The following CNTNAP2 variants were observed in gnomAD, a reference collection of about 807,000 sequenced individuals.
CNTNAP2 encodes contactin associated protein 2.
CNTNAP2 carries 98 observed loss-of-function variants against 155.2 expected under a neutral mutation model. The ratio of observed to expected loss-of-function variants is 0.63; its 90% CI spans 0.54 to 0.75. CNTNAP2 has a LOEUF of 0.75. Among genes scored for constraint, CNTNAP2 ranks in the 30% least tolerant of loss-of-function variants. The pLI is 0.00. For missense variants in CNTNAP2, 1,727 were observed against 1,688.1 expected (o/e 1.02, Z -0.40); for synonymous variants, 651 against 631.2 (o/e 1.03, Z -0.47).
chr7:147,432,362 A>C (rs1403810357), intron 10 of CNTNAP2, among the ~76,000 whole-genome samples: 2 of 152,214 alleles, frequency 1.3e-5, no homozygotes, highest in Non-Finnish European at 2.9e-5. Flanking sequence ...TGAGAATCGC[A>C]GCTTTAGAAG....
chr7:146,133,639 C>A (rs1239148142), intron 1 of CNTNAP2, among the ~76,000 whole-genome samples: 1 of 152,082 alleles, frequency 6.6e-6, no homozygotes, highest in Non-Finnish European at 1.5e-5. Flanking sequence ...TATGGCTAGC[C>A]AGTTTTCCCA....
chr7:147,941,326 G>T (rs1301899440), intron 14 of CNTNAP2, among the ~76,000 whole-genome samples: 1 of 152,168 alleles, frequency 6.6e-6, no homozygotes, highest in Admixed American at 6.5e-5. Context: ...CGAGGGTGGG[G>T]ATAGTTCACA....
rs532837902 is a variant in CNTNAP2 at position 147,886,475 on chromosome 7, C to CAAAA, written c.2099-17065_2099-17062dup. Among the ~76,000 whole-genome samples the CAAAA allele has an allele frequency of 4.8e-4, 19 of 39,732 alleles. 1 individual carries two copies. The highest frequency in any genetic ancestry group is 1.4e-3 in the African/African-American group (13 of 9,384). The allele number at this position is 39,732 out of a possible 152,430, so 26.1% of individuals were successfully genotyped here. On this transcript the variant is annotated intron_variant, in intron 13 of 23. Coordinates refer to ENST00000361727, the MANE Select transcript of CNTNAP2 (RefSeq NM_014141.6). ...GGGCAACAAGAGGGAAACTCCATCT[C>CAAAA]AAAAAAAAAAAAAAAAAAAAAAAAA... is the stretch of plus-strand genomic sequence containing the variant.
intron 1 of CNTNAP2, among the ~76,000 whole-genome samples, chr7:146,600,725 T>C (rs914189013): frequency 6.6e-6 from 1 of 152,158 alleles, no homozygotes. Flanking sequence ...TTATGACCCA[T>C]TTGACCTCCA....
chr7:146,990,378 T>G (rs1798189055), intron 3 of CNTNAP2, among the ~76,000 whole-genome samples: 1 of 152,188 alleles, frequency 6.6e-6, no homozygotes, highest in African/African-American at 2.4e-5. Flanking sequence ...TGTATCCCCA[T>G]GGAGGTCTGA....
chr7:146,431,275 T>G (rs1316186214), intron 1 of CNTNAP2, among the ~76,000 whole-genome samples: 1 of 152,006 alleles, frequency 6.6e-6, no homozygotes, highest in Non-Finnish European at 1.5e-5. Flanking sequence ...CCTTCTAATA[T>G]CTTTGAAAAT....
At chr7:146,821,486 G>T (rs1347492464) in intron 2 of CNTNAP2, among the ~76,000 whole-genome samples, 2 of 151,916 alleles carry the variant, frequency 1.3e-5, no homozygotes, top group Non-Finnish European at 2.9e-5. Flanking sequence ...AATGTTGAAT[G>T]TTGGAGCTTC....
At chr7:147,398,966 G>T (rs190760541) in intron 10 of CNTNAP2, among the ~76,000 whole-genome samples, 3 of 152,030 alleles carry the variant, frequency 2.0e-5, no homozygotes, top group Admixed American at 6.6e-5. Context: ...AAGGTGTTGA[G>T]TTGTAGTTTA....
chr7:146,607,063 A>T (rs1799060227), intron 1 of CNTNAP2, among the ~76,000 whole-genome samples: 1 of 152,198 alleles, frequency 6.6e-6, no homozygotes, highest in South Asian at 2.1e-4. Flanking sequence ...CTAAGGAAGG[A>T]GGAGACCAAG....
At chr7:146,727,744 A>G (rs530545877) in intron 1 of CNTNAP2, among the ~76,000 whole-genome samples, 1 of 152,320 alleles carries the variant, frequency 6.6e-6, no homozygotes, top group East Asian at 1.9e-4. Flanking sequence ...ATAGAAGCGT[A>G]TGTGTAATTG....
In CNTNAP2 at chr7:146,921,278, T is replaced by C. The variant is rs866314430; in HGVS notation, c.402+81374T>C. ...AAAAAGGGTACATTTTTACTATAAATTAATTAGGAATAAAAACTAATGAAA... is the reference window on the plus strand; with the variant it reads ...AAAAAGGGTACATTTTTACTATAAACTAATTAGGAATAAAAACTAATGAAA... On this transcript the variant is annotated intron_variant, in intron 3 of 23. Coordinates refer to ENST00000361727, the MANE Select transcript of CNTNAP2 (RefSeq NM_014141.6). Among the ~76,000 whole-genome samples, 11 of 152,244 alleles carry C rather than the reference T, an allele frequency of 7.2e-5. 1 individual carries two copies. The highest frequency in any genetic ancestry group is 3.4e-3 in the Middle Eastern group (1 of 294).
chr7:148,066,741 G>A (rs1387575744), intron 15 of CNTNAP2, among the ~76,000 whole-genome samples: 3 of 151,896 alleles, frequency 2.0e-5, no homozygotes, highest in African/African-American at 4.8e-5. Flanking sequence ...CTCATGATCC[G>A]CCTGCCTCAA....
intron 13 of CNTNAP2, among the ~76,000 whole-genome samples, chr7:147,647,407 C>G (rs912949914): frequency 8.6e-5 from 13 of 151,468 alleles, no homozygotes. Context: ...AACTGGTAAG[C>G]AAAAAAATAA....
chr7:146,959,336 G>C (rs569914740), intron 3 of CNTNAP2, among the ~76,000 whole-genome samples: 82 of 152,238 alleles, frequency 5.4e-4, no homozygotes, highest in Middle Eastern at 3.4e-3. Context: ...AGCGAGAAAA[G>C]ATGCAAATCT....
At chr7:147,210,673 G>T (rs942377576) in intron 8 of CNTNAP2, among the ~76,000 whole-genome samples, 1 of 151,892 alleles carries the variant, frequency 6.6e-6, no homozygotes, top group Non-Finnish European at 1.5e-5. Context: ...TTCTCTAAGT[G>T]TGATGTTAGA....
At chr7:147,801,093 C>T (rs941029866) in intron 13 of CNTNAP2, among the ~76,000 whole-genome samples, 2 of 152,146 alleles carry the variant, frequency 1.3e-5, no homozygotes, top group Non-Finnish European at 1.5e-5. Context: ...CAAAATATTT[C>T]GTACAAAGCC....
chr7:147,872,614 T>G (rs1306094417), intron 13 of CNTNAP2, among the ~76,000 whole-genome samples: 2 of 152,234 alleles, frequency 1.3e-5, no homozygotes, highest in African/African-American at 4.8e-5. Context: ...AAATTGCTCA[T>G]TCATGAATCG....
chr7:148,088,185 A>T (rs118025825), intron 15 of CNTNAP2, among the ~76,000 whole-genome samples: 29 of 152,028 alleles, frequency 1.9e-4, no homozygotes, highest in African/African-American at 7.0e-4. Context: ...CCCACCTCCA[A>T]TGAATTAGTA....
chr7:146,702,923 G>A (rs1157724016), intron 1 of CNTNAP2, among the ~76,000 whole-genome samples: 2 of 152,214 alleles, frequency 1.3e-5, no homozygotes, highest in Admixed American at 1.3e-4. Context: ...TGACAACAAT[G>A]GTAGCAAACA....
Sources: allele counts gnomAD v4.1 joint callset (sites outside exome capture counted in the v4.1 genomes callset), GRCh38; gene constraint gnomAD v4.1.1; transcripts MANE v1.5; gene names NCBI Gene and HGNC (gene_info 2026-07-23, HGNC 2026-07-21).